RORA: variants seen among roughly 807,000 people sequenced by gnomAD.
RORA encodes the protein RAR related orphan receptor A, also known as nuclear receptor ROR-alpha.
A neutral mutation model predicts 69.5 loss-of-function variants in RORA; 7 were observed. The ratio of observed to expected loss-of-function variants is 0.10; its 90% CI spans 0.06 to 0.19. The LOEUF (loss-of-function observed/expected upper bound fraction) is 0.19. Ranked by LOEUF, RORA falls within the 10% of genes least tolerant of loss-of-function variation. RORA has a pLI of 1.00. For synonymous variants in RORA, 261 were observed against 240.8 expected (o/e 1.08, Z -0.78); for missense variants, 457 against 663.0 (o/e 0.69, Z 3.41).
rs1297725501 is a variant in RORA, at chr15:61,226,879, G to C, written c.166+2174C>G. On this transcript the variant is annotated intron_variant, in intron 1 of 10. Transcript: ENST00000335670. This position sits in a 1 kb window ranked among gnomAD's most constrained non-coding sequence, Gnocchi z 4.2. ...GTTCAAAGAATGAGTTGGGGTGGGG[G>C]CAGAGGGTGGGGGGAAGGGGATATG... is the stretch of plus-strand genomic sequence containing the variant. Among the ~76,000 whole-genome samples, 1 of 151,128 alleles carries C rather than the reference G, an allele frequency of 6.6e-6. No homozygotes were observed. Among genetic ancestry groups the C allele is most frequent in the African/African-American group, 2.4e-5 (1 of 41,186 alleles).
intron 1 of RORA, among the ~76,000 whole-genome samples, chr15:60,935,244 T>C (rs1892486848): frequency 6.6e-6 from 1 of 152,240 alleles, no homozygotes; most frequent in Non-Finnish European, 1.5e-5. Flanking sequence ...CATTTGCCTG[T>C]AATTGGCTGG....
At chr15:60,724,830 G>A (rs1375916071) in intron 1 of RORA, among the ~76,000 whole-genome samples, 1 of 152,132 alleles carries the variant, frequency 6.6e-6, no homozygotes, top group Non-Finnish European at 1.5e-5. Flanking sequence ...ACCACTTTCC[G>A]GTGAATACTG....
At chr15:61,101,820 G>A (rs1227974100) in intron 1 of RORA, among the ~76,000 whole-genome samples, 2 of 152,048 alleles carry the variant, frequency 1.3e-5, no homozygotes, top group Non-Finnish European at 2.9e-5. Context: ...TGGGAGTCAG[G>A]GTCAGGACCT....
chr15:60,582,338 C>T (rs117404844), intron 2 of RORA, among the ~76,000 whole-genome samples: 1 of 152,074 alleles, frequency 6.6e-6, no homozygotes, highest in East Asian at 1.9e-4. Context: ...TTGCCTCTCC[C>T]AAGTCTCAAA....
chr15:61,221,606 T>C (rs1016592319), intron 1 of RORA, among the ~76,000 whole-genome samples: 1 of 152,202 alleles, frequency 6.6e-6, no homozygotes, highest in African/African-American at 2.4e-5. Flanking sequence ...CACAATTTTA[T>C]TTCTTCTTAC....
At chr15:60,736,529 C>G (rs115927429) in intron 1 of RORA, among the ~76,000 whole-genome samples, 2,138 of 152,200 alleles carry the variant, frequency 0.014, 60 homozygotes, top group African/African-American at 0.049. Context: ...GTTACCTGAA[C>G]AAACTCTGAT....
chr15:61,065,216 A>G (rs1190923017), intron 1 of RORA, among the ~76,000 whole-genome samples: 1 of 152,218 alleles, frequency 6.6e-6, no homozygotes, highest in Non-Finnish European at 1.5e-5. Flanking sequence ...ACAGGTAGCA[A>G]GTATCAAATG....
chr15:61,033,037 C>A (rs967057551), intron 1 of RORA, among the ~76,000 whole-genome samples: 2 of 152,076 alleles, frequency 1.3e-5, no homozygotes, highest in African/African-American at 4.8e-5. Context: ...TTTTACAGAG[C>A]GGGGAACAGA....
intron 1 of RORA, among the ~76,000 whole-genome samples, chr15:60,915,991 T>C (rs1891862219): frequency 6.6e-6 from 1 of 152,150 alleles, no homozygotes; most frequent in African/African-American, 2.4e-5. Context: ...AGCAGAGACA[T>C]GGGGGTGTTT....
Position 60,511,980 on chromosome 15 carries a change from C to CT in RORA, c.425-360dup. The CT allele has an allele frequency of 4.5e-6, 1 of 219,872 alleles. No homozygotes were observed. Among genetic ancestry groups the CT allele is most frequent in the Non-Finnish European group, 9.1e-6 (1 of 109,736 alleles). The allele number at this position is 219,872 out of a possible 1,614,324, so 13.6% of individuals were successfully genotyped here. On this transcript the variant is annotated intron_variant, in intron 4 of 10. Coordinates refer to ENST00000335670, the MANE Select transcript of RORA (RefSeq NM_134261.3). The surrounding 1 kb of genome is among the most constrained non-coding windows in gnomAD (Gnocchi z 6.4). ...TCTCCCCCCGTGCAGCTGGCTTAGG[C>CT]TACCTCTTTCTCTCCCACGTTCAGA... is the stretch of plus-strand genomic sequence containing the variant.
chr15:60,776,567 A>G (rs562047718), intron 1 of RORA, among the ~76,000 whole-genome samples: 5 of 152,184 alleles, frequency 3.3e-5, no homozygotes, highest in African/African-American at 7.2e-5. Flanking sequence ...AAATTATGCA[A>G]ACCAAACTGA....
chr15:60,545,558 T>C (rs1013978357), intron 2 of RORA, among the ~76,000 whole-genome samples: 2 of 152,192 alleles, frequency 1.3e-5, no homozygotes, highest in Non-Finnish European at 2.9e-5. Context: ...CAGAGAAATA[T>C]CAATCCATTT....
intron 1 of RORA, among the ~76,000 whole-genome samples, chr15:61,221,000 T>C (rs928182853): frequency 6.6e-6 from 1 of 152,186 alleles, no homozygotes; most frequent in Non-Finnish European, 1.5e-5. Context: ...TTCATCCTTC[T>C]TATCTTTCCC....
rs557161329 is a variant in RORA at position 60,970,273 on chromosome 15, G to T, written c.166+258780C>A. On this transcript the variant is annotated intron_variant, in intron 1 of 10. Coordinates refer to ENST00000335670, the MANE Select transcript of RORA (RefSeq NM_134261.3). ...GGTCTTGTGAGGTTTAAATGAGAAG[G>T]AAACAAAGTACTCAGCATGCTCTCT... Among the ~76,000 whole-genome samples the T allele has an allele frequency of 3.9e-5, 6 of 152,298 alleles. No individual in the cohort carries two copies. In the East Asian group the frequency reaches 5.8e-4, roughly 15 times the overall value.
rs538263118 is a variant in RORA, at chr15:61,207,982, C to T, written c.166+21071G>A. ...TTAATCACATTTTCAATGACCCAGC[C>T]AGCTCAATCTACTGACTTGGAAGGG... On this transcript the variant is annotated intron_variant, in intron 1 of 10. Coordinates refer to ENST00000335670, the MANE Select transcript of RORA (RefSeq NM_134261.3). Among the ~76,000 whole-genome samples, 6 of 152,312 alleles carry T rather than the reference C, an allele frequency of 3.9e-5. No homozygotes were observed. In the South Asian group the frequency reaches 1.0e-3, roughly 26 times the overall value.
At chr15:61,139,005 G>A (rs889263386) in intron 1 of RORA, among the ~76,000 whole-genome samples, 2 of 151,934 alleles carry the variant, frequency 1.3e-5, no homozygotes, top group Non-Finnish European at 2.9e-5. Context: ...TTAGCCAGGC[G>A]TGGTGGCGGG....
chr15:61,015,552 T>G (rs1388844395), intron 1 of RORA, among the ~76,000 whole-genome samples: 1 of 152,308 alleles, frequency 6.6e-6, no homozygotes. Context: ...ATTATACTAG[T>G]TCATATTTAT....
intron 1 of RORA, among the ~76,000 whole-genome samples, chr15:61,162,606 G>C (rs1203453964): frequency 1.3e-5 from 2 of 152,096 alleles, no homozygotes; most frequent in Admixed American, 1.3e-4. Flanking sequence ...TAAATTAATA[G>C]AATTCTAGAT....
intron 2 of RORA, among the ~76,000 whole-genome samples, chr15:60,642,537 A>C (rs1227012164): frequency 6.6e-6 from 1 of 152,160 alleles, no homozygotes; most frequent in Non-Finnish European, 1.5e-5. Flanking sequence ...TGTCCTTCCT[A>C]CAAGGATTCC....
Sources: gnomAD v4.1 joint callset for allele counts (sites outside exome capture counted in the v4.1 genomes callset) on GRCh38, gnomAD v4.1.1 for gene constraint, Gnocchi (gnomAD v3.1) non-coding constraint, MANE v1.5 for transcripts, NCBI Gene and HGNC (gene_info 2026-07-23, HGNC 2026-07-21) for gene names.